SORCS3: variants seen among roughly 807,000 people sequenced by gnomAD.
SORCS3 encodes the protein sortilin related VPS10 domain containing receptor 3.
Under a neutral mutation model 146.3 loss-of-function variants are expected in SORCS3, and 57 were observed. That is an observed-to-expected ratio of 0.39 (90% CI 0.31 to 0.49). The LOEUF (loss-of-function observed/expected upper bound fraction) is 0.49, where lower values mean the gene tolerates loss of function less well. SORCS3 is among the 20% of genes least tolerant of loss of function. SORCS3 has a pLI of 0.92. For missense variants in SORCS3, 1,341 were observed against 1,575.5 expected (o/e 0.85, Z 2.52); for synonymous variants, 653 against 618.5 (o/e 1.06, Z -0.83).
chr10:104,801,172 A>C (rs926577632), intron 1 of SORCS3, among the ~76,000 whole-genome samples: 3 of 152,184 alleles, frequency 2.0e-5, no homozygotes, highest in African/African-American at 4.8e-5. Flanking sequence ...AGGGAATGTC[A>C]CTTAATCTCT....
At chr10:104,905,346 T>C (rs551854362) in intron 2 of SORCS3, among the ~76,000 whole-genome samples, 2 of 68,140 alleles carry the variant, frequency 2.9e-5, no homozygotes, top group South Asian at 6.2e-4. Flanking sequence ...TCTTCTTGCC[T>C]GTGTTGGAAA....
intron 23 of SORCS3, 34 bp from the exon 24 acceptor site, chr10:105,255,668 A>G (rs767528905): frequency 7.0e-6 from 10 of 1,437,734 alleles, no homozygotes. Flanking sequence ...ATTGCATGTC[A>G]TGTCACCCCA....
At chr10:104,685,817 G>T (rs1047175549) in intron 1 of SORCS3, among the ~76,000 whole-genome samples, 3 of 152,196 alleles carry the variant, frequency 2.0e-5, no homozygotes, top group Non-Finnish European at 4.4e-5. Context: ...AAATGTCATT[G>T]GTTCCCTCTT....
Position 105,239,204 on chromosome 10 carries a change from C to T in SORCS3, c.2869-6338C>T, listed in dbSNP as rs114798785. ...TTAAGATTTTTTATATAGTTCTAAA[C>T]GTGGTAGATCCACAATTATATATCC... On this transcript the variant is annotated intron_variant, in intron 20 of 26. Coordinates refer to ENST00000369701, the MANE Select transcript of SORCS3 (RefSeq NM_014978.3). Among the ~76,000 whole-genome samples the T allele has an allele frequency of 2.6e-3, 393 of 152,250 alleles. 2 individuals carry two copies. The highest frequency in any genetic ancestry group is 8.9e-3 in the African/African-American group (371 of 41,542).
rs138122808 is a variant in SORCS3 at position 105,028,971 on chromosome 10, G to A, written c.955-14084G>A. On this transcript the variant is annotated intron_variant, in intron 4 of 26. Transcript: ENST00000369701. ...ATATTTTAGGCTTTATTGGCCATCA[G>A]ATCTCTGCCACAACAGCTCAACTCT... is the stretch of plus-strand genomic sequence containing the variant. Among the ~76,000 whole-genome samples, 7 of 152,298 alleles carry A rather than the reference G, an allele frequency of 4.6e-5. No individual in the cohort carries two copies. The East Asian group carries it at 1.4e-3, about 29-fold the overall frequency.
chr10:105,072,897 G>A (rs535974462), intron 5 of SORCS3, among the ~76,000 whole-genome samples: 2 of 152,222 alleles, frequency 1.3e-5, no homozygotes, highest in South Asian at 4.1e-4. Context: ...GTACTCCTAA[G>A]CCTATGCTAA....
intron 13 of SORCS3, among the ~76,000 whole-genome samples, chr10:105,175,076 T>G (rs1316467802): frequency 1.3e-5 from 2 of 152,194 alleles, no homozygotes; most frequent in African/African-American, 4.8e-5. Context: ...AGATGGAGTT[T>G]CACTCTTGTT....
At chr10:104,877,729 G>A (rs1003591491) in intron 2 of SORCS3, among the ~76,000 whole-genome samples, 18 of 152,138 alleles carry the variant, frequency 1.2e-4, no homozygotes, top group African/African-American at 3.9e-4. Context: ...TGTGCCAGGT[G>A]ATAAGAAAAA....
At chr10:104,777,966 A>C (rs2017328895) in intron 1 of SORCS3, among the ~76,000 whole-genome samples, 1 of 152,176 alleles carries the variant, frequency 6.6e-6, no homozygotes, top group East Asian at 1.9e-4. Context: ...AGAGACTGGG[A>C]AGGGCTAGGG....
intron 1 of SORCS3, among the ~76,000 whole-genome samples, chr10:104,795,752 G>A (rs959729699): frequency 2.6e-5 from 4 of 152,226 alleles, no homozygotes; most frequent in Admixed American, 2.0e-4. Context: ...GATGATGGGA[G>A]CTGAAGAGCT....
At chr10:104,911,519 G>A (rs1359368744) in intron 2 of SORCS3, among the ~76,000 whole-genome samples, 1 of 152,248 alleles carries the variant, frequency 6.6e-6, no homozygotes, top group Non-Finnish European at 1.5e-5. Context: ...AAGGAAGTTT[G>A]TTGTGACTTC....
At chr10:105,025,993 C>T (rs746322474) in intron 4 of SORCS3, among the ~76,000 whole-genome samples, 1 of 152,050 alleles carries the variant, frequency 6.6e-6, no homozygotes, top group Non-Finnish European at 1.5e-5. Flanking sequence ...ATCAGGAAGT[C>T]ATCTTTGACT....
intron 6 of SORCS3, among the ~76,000 whole-genome samples, chr10:105,095,732 C>T (rs1263963630): frequency 6.6e-6 from 1 of 151,860 alleles, no homozygotes; most frequent in East Asian, 1.9e-4. Context: ...TATTCACAGA[C>T]AGGCAGACGT....
chr10:105,171,040 G>A lies in SORCS3; in HGVS notation c.1901+3691G>A, dbSNP rs575733812. Among the ~76,000 whole-genome samples, 403 of 152,190 alleles carry A rather than the reference G, an allele frequency of 2.6e-3. 1 individual carries two copies. Among genetic ancestry groups the A allele is most frequent in the Middle Eastern group, 0.01 (3 of 294 alleles). On this transcript the variant is annotated intron_variant, in intron 13 of 26. Transcript: ENST00000369701. Reference sequence around the variant, plus strand: ...GACTGACATTGTTTTATATACAGATGTATGTATATTAATATTTGAATAGGA... The same window carrying A: ...GACTGACATTGTTTTATATACAGATATATGTATATTAATATTTGAATAGGA...
intron 3 of SORCS3, among the ~76,000 whole-genome samples, chr10:104,957,726 C>A (rs980615502): frequency 1.3e-5 from 2 of 152,220 alleles, no homozygotes; most frequent in East Asian, 3.9e-4. Flanking sequence ...TCTGGAAGAC[C>A]CTTTTCTCTG....
chr10:105,080,809 C>T (rs2055619666), intron 5 of SORCS3, among the ~76,000 whole-genome samples: 1 of 152,126 alleles, frequency 6.6e-6, no homozygotes, highest in African/African-American at 2.4e-5. Context: ...GGTACAAAAA[C>T]AGACATAGAC....
chr10:105,132,621 C>T (rs1277680837), intron 7 of SORCS3, among the ~76,000 whole-genome samples: 1 of 152,142 alleles, frequency 6.6e-6, no homozygotes, highest in Non-Finnish European at 1.5e-5. Flanking sequence ...AAGGATCTGT[C>T]AGGTTAGGCT....
At chr10:104,880,686 C>T (rs1006714054) in intron 2 of SORCS3, among the ~76,000 whole-genome samples, 3 of 152,104 alleles carry the variant, frequency 2.0e-5, no homozygotes, top group Non-Finnish European at 4.4e-5. Flanking sequence ...AACATTCTTG[C>T]AGAACATTTC....
intron 4 of SORCS3, among the ~76,000 whole-genome samples, chr10:105,016,155 A>ATATATATATATATATTTT (rs71482443): frequency 2.0e-5 from 2 of 101,322 alleles, no homozygotes; most frequent in Non-Finnish European, 3.7e-5. Context: ...ATATATATAT[A>ATATATATATATATATTTT]TTTTTTTTTT....
Sources: allele counts gnomAD v4.1 joint callset (sites outside exome capture counted in the v4.1 genomes callset), GRCh38; gene constraint gnomAD v4.1.1; transcripts MANE v1.5; gene names NCBI Gene and HGNC (gene_info 2026-07-23, HGNC 2026-07-21).